Variants in CNOT1 observed in about 807,000 individuals in gnomAD.
CNOT1 encodes CCR4-associated factor 1.
Under a neutral mutation model 273.8 loss-of-function variants are expected in CNOT1, and 15 were observed. The ratio of observed to expected loss-of-function variants is 0.05; its 90% confidence interval spans 0.04 to 0.08. CNOT1 has a LOEUF of 0.08. Ranked by LOEUF, CNOT1 falls within the 10% of genes least tolerant of loss-of-function variation. The pLI is 1.00. For missense variants in CNOT1, 1,644 were observed against 2,912.2 expected (o/e 0.56, Z 10.02); for synonymous variants, 1,022 against 1,005.5 (o/e 1.02, Z -0.31).
intron 1 of CNOT1, among the ~76,000 whole-genome samples, chr16:58,611,896 T>C (rs1244766456): frequency 6.6e-6 from 1 of 152,098 alleles, no homozygotes; most frequent in Admixed American, 6.6e-5. Context: ...GGACAAGGAA[T>C]GCCCCTCACA....
At chr16:58,568,690 A>G (rs1301627284) in intron 16 of CNOT1, among the ~76,000 whole-genome samples, 1 of 152,196 alleles carries the variant, frequency 6.6e-6, no homozygotes, top group East Asian at 1.9e-4. Context: ...GATTTTAAAA[A>G]AAAGAGAGAA....
In CNOT1 at chr16:58,543,840, C is replaced by G; in HGVS notation, c.4201G>C (p.Val1401Leu). ...ACCACAGGATGGACCAGCTCCTGGACAGCCCGTTCAATTGCCTGACGCACA... is the reference window on the plus strand; with the variant it reads ...ACCACAGGATGGACCAGCTCCTGGAGAGCCCGTTCAATTGCCTGACGCACA... ...QCVRQAIERA[V>L]QELVHPVVDR... The change falls in exon 31 of 49, where the codon GTC becomes CTC. Residue 1401 changes from valine to leucine, a missense_variant. By Grantham distance (32) the Val-to-Leu change is conservative. Coordinates refer to ENST00000317147, the MANE Select transcript of CNOT1 (RefSeq NM_016284.5). 6.2e-7 allele frequency: 1 copy of G among 1,614,080 alleles called. No individual in the cohort carries two copies. Among genetic ancestry groups the G allele is most frequent in the Non-Finnish European group, 8.5e-7 (1 of 1,180,014 alleles).
chr16:58,596,397 G>T (rs989313153), intron 2 of CNOT1, among the ~76,000 whole-genome samples: 2 of 152,146 alleles, frequency 1.3e-5, no homozygotes, highest in Admixed American at 1.3e-4. Context: ...TCTGTAGCAT[G>T]AGAAATGTAA....
chr16:58,602,071 ATTT>A (rs1302100183), intron 1 of CNOT1, among the ~76,000 whole-genome samples: 2 of 150,684 alleles, frequency 1.3e-5, no homozygotes, highest in Non-Finnish European at 3.0e-5. Context: ...TATTTTTTTT[ATTT>A]TTTATTTTTT....
rs912263774 is a variant in CNOT1, at chr16:58,537,300, T to C, written c.5415-80A>G. On this transcript the variant is annotated intron_variant, in intron 38 of 48. Transcript: ENST00000317147. Reference sequence around the variant, plus strand: ...GACATACGCATGTATAGTTTGCTTATTTAACAGCAACCACCAGAGTGGTTT... The same window carrying C: ...GACATACGCATGTATAGTTTGCTTACTTAACAGCAACCACCAGAGTGGTTT... The C allele has an allele frequency of 4.7e-5, 70 of 1,503,824 alleles. No individual in the cohort carries two copies. The South Asian group carries it at 4.8e-4, about 10-fold the overall frequency. The allele number at this position is 1,503,824 out of a possible 1,614,324, so 93.2% of individuals were successfully genotyped here.
chr16:58,623,074 T>C (rs1363539768), intron 1 of CNOT1, among the ~76,000 whole-genome samples: 3 of 151,676 alleles, frequency 2.0e-5, no homozygotes, highest in African/African-American at 7.3e-5. Flanking sequence ...GGCAGGCGCC[T>C]GTAATCCCAG....
At chr16:58,588,190 T>C (rs566692867) in intron 3 of CNOT1, among the ~76,000 whole-genome samples, 2 of 152,050 alleles carry the variant, frequency 1.3e-5, no homozygotes, top group Admixed American at 6.6e-5. Flanking sequence ...TCTCAGCTAC[T>C]TGGGAGGCTG....
At chr16:58,522,783 A>T (rs2039448729) in intron 47 of CNOT1, among the ~76,000 whole-genome samples, 2 of 152,236 alleles carry the variant, frequency 1.3e-5, no homozygotes, top group African/African-American at 4.8e-5. Context: ...CCTGACCTTT[A>T]ATCAAAATGT....
intron 30 of CNOT1, 121 bp from the exon 31 acceptor site, chr16:58,544,024 A>T: frequency 7.0e-7 from 1 of 1,425,364 alleles, no homozygotes; most frequent in South Asian, 1.5e-5. Context: ...GTTTCTACTT[A>T]AAGTTAACCA....
At chr16:58,542,381 C>T in intron 32 of CNOT1, 46 bp from the exon 33 acceptor site, 2 of 1,613,024 alleles carry the variant, frequency 1.2e-6, no homozygotes, top group Non-Finnish European at 1.7e-6. Context: ...AAGGCACTTC[C>T]CTAAATTAAA....
chr16:58,546,013 T>C (rs565319823), intron 29 of CNOT1, among the ~76,000 whole-genome samples: 1 of 152,164 alleles, frequency 6.6e-6, no homozygotes. Flanking sequence ...CAGGCCATCA[T>C]AGTATGCAGT....
chr16:58,618,270 T>C (rs1199718349), intron 1 of CNOT1, among the ~76,000 whole-genome samples: 1 of 151,258 alleles, frequency 6.6e-6, no homozygotes, highest in African/African-American at 2.4e-5. Context: ...CTACTTTGTC[T>C]CTAAAAAAAA....
At chr16:58,539,450 G>C (rs2040010470) in intron 35 of CNOT1, among the ~76,000 whole-genome samples, 1 of 116,044 alleles carries the variant, frequency 8.6e-6, no homozygotes, top group Non-Finnish European at 1.9e-5. Flanking sequence ...GCCTGACAGA[G>C]AGAGACCCTG....
At chr16:58,587,645 C>T (rs2041919077) in intron 4 of CNOT1, 135 bp downstream of exon 4, 1 of 1,153,368 alleles carries the variant, frequency 8.7e-7, no homozygotes, top group Non-Finnish European at 1.2e-6. Flanking sequence ...GATTTTGTTA[C>T]AAACTATAAA....
chr16:58,554,240 CG>C (rs2040553018), intron 21 of CNOT1, among the ~76,000 whole-genome samples: 1 of 150,400 alleles, frequency 6.6e-6, no homozygotes, highest in Non-Finnish European at 1.5e-5. Flanking sequence ...AACGTAGTAA[CG>C]TAAGTCTCAA....
chr16:58,599,073 T>C (rs918799055), intron 2 of CNOT1, 163 bp downstream of exon 2: 18 of 574,562 alleles, frequency 3.1e-5, no homozygotes, highest in African/African-American at 1.7e-4. Flanking sequence ...AAAAAAAAGA[T>C]TGGGCTAAGA....
At chr16:58,554,129 A>G (rs556916709) in intron 21 of CNOT1, among the ~76,000 whole-genome samples, 1 of 152,340 alleles carries the variant, frequency 6.6e-6, no homozygotes, top group South Asian at 2.1e-4. Context: ...CTTCTCTGGA[A>G]ACAATTCAAA....
At chr16:58,555,760 A>C in intron 20 of CNOT1, 24 bp downstream of exon 20, 1 of 1,613,070 alleles carries the variant, frequency 6.2e-7, no homozygotes, top group Non-Finnish European at 8.5e-7. Flanking sequence ...AACAATAAAT[A>C]AGTAGATCAT....
chr16:58,604,936 A>G (rs1251306708), intron 1 of CNOT1, among the ~76,000 whole-genome samples: 1 of 151,314 alleles, frequency 6.6e-6, no homozygotes, highest in East Asian at 1.9e-4. Context: ...GGAGATCGAG[A>G]CCATCCTGCC....
Sources: allele counts gnomAD v4.1 joint callset (sites outside exome capture counted in the v4.1 genomes callset), GRCh38; gene constraint gnomAD v4.1.1; transcripts MANE v1.5; gene names NCBI Gene and HGNC (gene_info 2026-07-23, HGNC 2026-07-21).